Variants in VPS36 observed in about 807,000 individuals in gnomAD.
VPS36 encodes vacuolar protein-sorting-associated protein 36.
In VPS36, 31 loss-of-function variants were observed where a neutral mutation model predicts 63.5. The ratio of observed to expected loss-of-function variants is 0.49; its 90% confidence interval spans 0.37 to 0.66. The LOEUF (loss-of-function observed/expected upper bound fraction) is 0.66. Ranked by LOEUF, VPS36 falls within the 30% of genes least tolerant of loss-of-function variation. VPS36 has a pLI of 0.00. For missense variants in VPS36, 338 were observed against 463.7 expected, an observed-to-expected ratio of 0.73 and a Z score of 2.49; for synonymous variants, 138 against 157.2, an observed-to-expected ratio of 0.88 and a Z score of 0.91.
intron 3 of VPS36, among the ~76,000 whole-genome samples, chr13:52,438,108 A>C (rs1958237501): frequency 6.6e-6 from 1 of 152,162 alleles, no homozygotes; most frequent in African/African-American, 2.4e-5. Context: ...CATGTTTAAA[A>C]AATAAGACAC....
intron 1 of VPS36, among the ~76,000 whole-genome samples, chr13:52,443,436 AG>A (rs1264482949): frequency 6.6e-6 from 1 of 152,140 alleles, no homozygotes. Flanking sequence ...CTATAAGAAG[AG>A]GAAGAGACAG....
chr13:52,445,669 G>C (rs1958331041), intron 1 of VPS36, among the ~76,000 whole-genome samples: 1 of 136,810 alleles, frequency 7.3e-6, no homozygotes. Context: ...CGGGCGCAGT[G>C]GCTCACGCCT....
intron 4 of VPS36, among the ~76,000 whole-genome samples, chr13:52,435,400 A>C (rs1245033177): frequency 6.6e-6 from 1 of 152,216 alleles, no homozygotes; most frequent in Non-Finnish European, 1.5e-5. Context: ...GGGAAAAAAA[A>C]AAAGAGAAGG....
Position 52,415,536 on chromosome 13 carries a change from A to G in VPS36, c.*294T>C. ...AAAACTAAATTCCCTTCTTTATAAAATGATTAGATTTGAGGATCAAGTTAA... is the reference window on the plus strand; with the variant it reads ...AAAACTAAATTCCCTTCTTTATAAAGTGATTAGATTTGAGGATCAAGTTAA... On this transcript the variant is annotated 3_prime_UTR_variant, in exon 14 of 14. Coordinates refer to ENST00000378060, the MANE Select transcript of VPS36 (RefSeq NM_016075.4). The G allele has an allele frequency of 4.1e-6, 1 of 242,618 alleles. No individual in the cohort carries two copies. Among genetic ancestry groups the G allele is most frequent in the Non-Finnish European group, 7.9e-6 (1 of 126,040 alleles). 15.0% of individuals were successfully genotyped at this position (242,618 alleles called of 1,614,324 possible).
At position 52,426,115 on chromosome 13, in the gene VPS36, T is replaced by C. The variant is rs755173537; in HGVS notation, c.640-49A>G. 1.5e-5 allele frequency: 24 copies of C among 1,594,546 alleles called. No homozygotes were observed. In the African/African-American group the frequency reaches 2.8e-4, roughly 19 times the overall value. The stretch of plus-strand genomic sequence containing the variant: ...CAGAATTAGTCTCTCCACCTCAATA[T>C]TTGAAATTCTTCCATCACAAATTCA... On this transcript the variant is annotated intron_variant, in intron 8 of 13. Coordinates refer to ENST00000378060, the MANE Select transcript of VPS36 (RefSeq NM_016075.4).
intron 9 of VPS36, among the ~76,000 whole-genome samples, chr13:52,424,090 C>T (rs776772577): frequency 1.3e-5 from 2 of 152,130 alleles, no homozygotes; most frequent in Non-Finnish European, 2.9e-5. Context: ...GAACTTCTGA[C>T]CTCAAATGAT....
intron 3 of VPS36, among the ~76,000 whole-genome samples, chr13:52,437,822 C>G (rs539234542): frequency 6.6e-6 from 1 of 151,456 alleles, no homozygotes. Context: ...CCCAGCTACT[C>G]GGGAGGCTGA....
rs1309328314 is a variant in VPS36, at chr13:52,413,162, G to C, written c.*2668C>G. The C allele has an allele frequency of 6.6e-6, 1 of 152,494 alleles. No individual in the cohort carries two copies. Among genetic ancestry groups the C allele is most frequent in the Non-Finnish European group, 1.5e-5 (1 of 68,024 alleles). 9.4% of individuals were successfully genotyped at this position (152,494 alleles called of 1,614,324 possible). A position where few individuals can be genotyped will look rare whatever the true frequency, so the allele number is the denominator to read the frequency against. ...AAGACTCTGAGACTTTTGGGCAAAAGAACCATTTTAAGTATTTGAGTATGA... is the reference window on the plus strand; with the variant it reads ...AAGACTCTGAGACTTTTGGGCAAAACAACCATTTTAAGTATTTGAGTATGA... On this transcript the variant is annotated 3_prime_UTR_variant, in exon 14 of 14. Coordinates refer to ENST00000378060, the MANE Select transcript of VPS36 (RefSeq NM_016075.4).
intron 6 of VPS36, chr13:52,429,166 G>C: frequency 1.3e-6 from 1 of 757,038 alleles, no homozygotes; most frequent in Non-Finnish European, 1.6e-6. Flanking sequence ...CCAATTTTGA[G>C]AAAAACAGCA....
At chr13:52,420,003 G>A (rs556615351) in intron 10 of VPS36, among the ~76,000 whole-genome samples, 139 of 152,248 alleles carry the variant, frequency 9.1e-4, no homozygotes, top group African/African-American at 3.0e-3. Context: ...CACTTTGGGA[G>A]GCCAAGGGGG....
chr13:52,423,144 T>C lies in VPS36; in HGVS notation c.840+430A>G, dbSNP rs188199426. Among the ~76,000 whole-genome samples, 5 of 152,314 alleles carry C rather than the reference T, an allele frequency of 3.3e-5. No homozygotes were observed. In the East Asian group the frequency reaches 9.6e-4, roughly 29 times the overall value. On this transcript the variant is annotated intron_variant, in intron 10 of 13. Transcript: ENST00000378060. ...TCCAATTAAATCTTTCTTTTGTAAA[T>C]TGCCCAGTCTCAGGTATGTCTTTAT...
At position 52,413,006 on chromosome 13, in the gene VPS36, A is replaced by T. The variant is rs1323432046; in HGVS notation, c.*2824T>A. ...ACTCCACAGGGATTTAAACTTTAAGACTACAAAGAGAAATTTATTGGTAAT... is the reference window on the plus strand; with the variant it reads ...ACTCCACAGGGATTTAAACTTTAAGTCTACAAAGAGAAATTTATTGGTAAT... On this transcript the variant is annotated 3_prime_UTR_variant, in exon 14 of 14. Transcript: ENST00000378060. 1 of 152,680 alleles carries T rather than the reference A, an allele frequency of 6.5e-6. No homozygotes were observed. Among genetic ancestry groups the T allele is most frequent in the Non-Finnish European group, 1.5e-5 (1 of 68,044 alleles). The allele number at this position is 152,680 out of a possible 1,614,324, so 9.5% of individuals were successfully genotyped here.
At chr13:52,449,115 G>A (rs1030310896) in intron 1 of VPS36, among the ~76,000 whole-genome samples, 3 of 152,172 alleles carry the variant, frequency 2.0e-5, no homozygotes, top group Non-Finnish European at 2.9e-5. Context: ...AGGCCCAGGC[G>A]GGCGGATCAT....
chr13:52,432,044 G>A (rs1958163514), intron 6 of VPS36, among the ~76,000 whole-genome samples: 1 of 151,822 alleles, frequency 6.6e-6, no homozygotes, highest in African/African-American at 2.4e-5. Flanking sequence ...AATTCATAAT[G>A]ACATGTTAAA....
intron 4 of VPS36, 104 bp from the exon 5 acceptor site, chr13:52,434,986 T>C: frequency 8.6e-7 from 1 of 1,164,128 alleles, no homozygotes; most frequent in Non-Finnish European, 1.2e-6. Context: ...TTTTTTTTTT[T>C]TTGAGGTGGA....
intron 11 of VPS36, among the ~76,000 whole-genome samples, 169 bp from the exon 12 acceptor site, chr13:52,417,310 T>C (rs1272216252): frequency 6.6e-6 from 1 of 152,210 alleles, no homozygotes; most frequent in Non-Finnish European, 1.5e-5. Flanking sequence ...AAACAGCTCA[T>C]GAATACACAG....
chr13:52,439,015 C>A, intron 3 of VPS36, 83 bp downstream of exon 3: 1 of 1,230,026 alleles, frequency 8.1e-7, no homozygotes, highest in Non-Finnish European at 1.1e-6. Flanking sequence ...ATTCGTACAT[C>A]AAGTCTAAGA....
intron 11 of VPS36, 105 bp downstream of exon 11, chr13:52,417,887 T>G (rs781296113): frequency 1.2e-6 from 1 of 862,558 alleles, no homozygotes; most frequent in Non-Finnish European, 1.8e-6. Context: ...TCAAGAGAAA[T>G]AATCTGGCTT....
At chr13:52,418,450 C>T (rs1958014160) in intron 10 of VPS36, among the ~76,000 whole-genome samples, 1 of 151,462 alleles carries the variant, frequency 6.6e-6, no homozygotes, top group East Asian at 1.9e-4. Context: ...TGGCGGGTGC[C>T]TGTAATCCCA....
Sources: allele counts gnomAD v4.1 joint callset (sites outside exome capture counted in the v4.1 genomes callset), GRCh38; gene constraint gnomAD v4.1.1; transcripts MANE v1.5; gene names NCBI Gene and HGNC (gene_info 2026-07-23, HGNC 2026-07-21).